The following SLIT3 variants were observed in gnomAD, a reference collection of about 807,000 sequenced individuals.
SLIT3 encodes the protein slit guidance ligand 3.
Under a neutral mutation model 184.0 loss-of-function variants are expected in SLIT3, and 68 were observed. The ratio of observed to expected loss-of-function variants is 0.37; its 90% CI spans 0.30 to 0.45. The LOEUF (loss-of-function observed/expected upper bound fraction) is 0.45. SLIT3 is among the 20% of genes least tolerant of loss of function. SLIT3 has a pLI of 1.00. For missense variants in SLIT3, 1,707 were observed against 2,026.0 expected, an observed-to-expected ratio of 0.84 and a Z score of 3.02; for synonymous variants, 831 against 828.6, an observed-to-expected ratio of 1.00 and a Z score of -0.05.
chr5:168,726,443 GGAGGGAGGGA>G (rs1763121320), intron 20 of SLIT3, among the ~76,000 whole-genome samples: 1 of 34,410 alleles, frequency 2.9e-5, no homozygotes, highest in Non-Finnish European at 6.0e-5. Context: ...AGGGAGGCAG[GGAGGGAGGGA>G]GAGGGAGGGA....
At chr5:168,768,303 G>T in intron 14 of SLIT3, 1 of 473,490 alleles carries the variant, frequency 2.1e-6, no homozygotes, top group South Asian at 1.5e-5. Flanking sequence ...GGAGCGCTCA[G>T]AGGAAGCAGC....
chr5:168,697,670 C>T (rs1042861479), intron 27 of SLIT3, among the ~76,000 whole-genome samples: 4 of 152,194 alleles, frequency 2.6e-5, no homozygotes. Flanking sequence ...TAATTGGTCT[C>T]CTTTCTACAA....
chr5:169,134,272 A>G lies in SLIT3; in HGVS notation c.413+59207T>C, dbSNP rs183511046. ...CACTGAGCTTAGAATCAAGTCCAAT[A>G]AGGTCTAACAGGAGTGGGCCCCTCG... On this transcript the variant is annotated intron_variant, in intron 4 of 35. Coordinates refer to ENST00000519560, the MANE Select transcript of SLIT3 (RefSeq NM_003062.4). 2.0e-5 allele frequency among the ~76,000 whole-genome samples: 3 copies of G among 152,306 alleles called. No homozygotes were observed. The East Asian group carries it at 5.8e-4, about 29-fold the overall frequency.
chr5:169,077,564 A>C (rs1379256362), intron 4 of SLIT3, among the ~76,000 whole-genome samples: 1 of 152,196 alleles, frequency 6.6e-6, no homozygotes, highest in African/African-American at 2.4e-5. Flanking sequence ...AAAAAACAAA[A>C]AACAGTAATA....
chr5:168,680,681 T>C (rs1320790871), intron 32 of SLIT3, among the ~76,000 whole-genome samples: 2 of 152,140 alleles, frequency 1.3e-5, no homozygotes, highest in Non-Finnish European at 2.9e-5. Flanking sequence ...CGGCTGCTGG[T>C]CAGCTCAGGC....
chr5:168,773,083 G>A (rs1755616967), intron 13 of SLIT3, 139 bp from the exon 14 acceptor site: 1 of 843,562 alleles, frequency 1.2e-6, no homozygotes, highest in African/African-American at 1.7e-5. Context: ...AGCCTTAGGG[G>A]GTGCTACTTT....
intron 14 of SLIT3, chr5:168,768,278 G>A (rs769852103): frequency 7.0e-5 from 34 of 488,210 alleles, no homozygotes; most frequent in East Asian, 1.8e-4. Context: ...AGGAAGCAGC[G>A]TCAGAGAGAG....
At chr5:169,162,075 A>G (rs7722736) in intron 4 of SLIT3, among the ~76,000 whole-genome samples, 4,424 of 152,248 alleles carry the variant, frequency 0.029, 84 homozygotes, top group South Asian at 0.095. Flanking sequence ...CAACTTGTTG[A>G]TGTTATTATG....
chr5:169,047,170 G>A (rs78097884), intron 4 of SLIT3, among the ~76,000 whole-genome samples: 1,726 of 152,180 alleles, frequency 0.011, 26 homozygotes, highest in African/African-American at 0.039. Context: ...GCCCAAAAGT[G>A]CACTCACTGA....
chr5:168,796,329 G>C (rs1485002561), intron 9 of SLIT3, among the ~76,000 whole-genome samples: 1 of 152,236 alleles, frequency 6.6e-6, no homozygotes, highest in African/African-American at 2.4e-5. Flanking sequence ...GGGGCCGTGG[G>C]GAATGAGTGA....
At chr5:168,798,764 T>C (rs949627273) in intron 9 of SLIT3, among the ~76,000 whole-genome samples, 1 of 152,034 alleles carries the variant, frequency 6.6e-6, no homozygotes. Flanking sequence ...CCAAGAGCTA[T>C]GATGGATCAG....
intron 4 of SLIT3, among the ~76,000 whole-genome samples, chr5:168,960,636 A>T (rs1050943078): frequency 6.6e-6 from 1 of 152,206 alleles, no homozygotes; most frequent in African/African-American, 2.4e-5. Flanking sequence ...CCAAAATGAA[A>T]CCACCCTGGC....
chr5:169,260,596 T>C (rs1354609189), intron 1 of SLIT3, among the ~76,000 whole-genome samples: 3 of 152,220 alleles, frequency 2.0e-5, no homozygotes, highest in Admixed American at 1.3e-4. Flanking sequence ...ATTGCTTCTA[T>C]GGTCTTGGGT....
At position 168,662,645 on chromosome 5, in the gene SLIT3, G is replaced by T. The variant is rs113623319; in HGVS notation, c.*3809C>A. ...ATAACAACAGCATCTTACATTTAAG[G>T]TTTTTAGTTTACACTTTACAAAGAA... is the stretch of plus-strand genomic sequence containing the variant. On this transcript the variant is annotated 3_prime_UTR_variant, in exon 36 of 36. Coordinates refer to ENST00000519560, the MANE Select transcript of SLIT3 (RefSeq NM_003062.4). 6.6e-6 allele frequency: 1 copy of T among 152,222 alleles called. No individual in the cohort carries two copies. Among genetic ancestry groups the T allele is most frequent in the East Asian group, 1.9e-4 (1 of 5,204 alleles). The allele number at this position is 152,222 out of a possible 1,614,324, so 9.4% of individuals were successfully genotyped here.
At chr5:168,770,880 T>C (rs1448807295) in intron 14 of SLIT3, among the ~76,000 whole-genome samples, 1 of 152,094 alleles carries the variant, frequency 6.6e-6, no homozygotes. Context: ...TAGTTCTTTC[T>C]ATAGCCCCAC....
chr5:168,920,804 C>T (rs1237215535), intron 4 of SLIT3, among the ~76,000 whole-genome samples: 1 of 141,786 alleles, frequency 7.1e-6, no homozygotes, highest in African/African-American at 2.8e-5. Flanking sequence ...GTCTCTCTCT[C>T]CCTATTTTTT....
intron 4 of SLIT3, among the ~76,000 whole-genome samples, chr5:169,162,632 C>T (rs1276019826): frequency 6.6e-6 from 1 of 152,200 alleles, no homozygotes; most frequent in Non-Finnish European, 1.5e-5. Context: ...GTCAAAGCAT[C>T]CGTGTTCAGA....
intron 5 of SLIT3, among the ~76,000 whole-genome samples, chr5:168,847,754 C>CA (rs1418618064): frequency 1.3e-5 from 2 of 152,180 alleles, no homozygotes; most frequent in Admixed American, 1.3e-4. Flanking sequence ...ACTAAACACA[C>CA]AGAGAACCTT....
At position 168,832,219 on chromosome 5, in the gene SLIT3, C is replaced by T. The variant is rs531991553; in HGVS notation, c.558-8888G>A. Among the ~76,000 whole-genome samples, 13 of 152,334 alleles carry T rather than the reference C, an allele frequency of 8.5e-5. No individual in the cohort carries two copies. In the South Asian group the frequency reaches 1.7e-3, roughly 19 times the overall value. On this transcript the variant is annotated intron_variant, in intron 6 of 35. Coordinates refer to ENST00000519560, the MANE Select transcript of SLIT3 (RefSeq NM_003062.4). The stretch of plus-strand genomic sequence containing the variant: ...GACTTAGAAATCAGGCAATTGCCAA[C>T]GTGTCCACAGATGCAAGAGTGACCT...
Sources: gnomAD v4.1 joint callset for allele counts (sites outside exome capture counted in the v4.1 genomes callset) on GRCh38, gnomAD v4.1.1 for gene constraint, MANE v1.5 for transcripts, NCBI Gene and HGNC (gene_info 2026-07-23, HGNC 2026-07-21) for gene names.